MBOAT2: variants seen among roughly 807,000 people sequenced by gnomAD.
The protein encoded by MBOAT2 is membrane-bound glycerophospholipid O-acyltransferase 2.
Under a neutral mutation model 63.4 loss-of-function variants are expected in MBOAT2, and 28 were observed. That is an observed-to-expected ratio of 0.44 (90% confidence interval 0.33 to 0.61). MBOAT2 has a LOEUF of 0.61. Among genes scored for constraint, MBOAT2 ranks in the 20% least tolerant of loss-of-function variants. The probability of loss-of-function intolerance (pLI) is 0.03; values close to 1 mark genes in which losing one functional copy is unlikely to be tolerated. For missense variants in MBOAT2, 470 were observed against 605.8 expected, an observed-to-expected ratio of 0.78 and a Z score of 2.35; for synonymous variants, 211 against 215.6, an observed-to-expected ratio of 0.98 and a Z score of 0.19.
At chr2:8,924,753 CTCAG>C (rs959375442) in intron 3 of MBOAT2, among the ~76,000 whole-genome samples, 2 of 150,820 alleles carry the variant, frequency 1.3e-5, no homozygotes, top group Non-Finnish European at 2.9e-5. Flanking sequence ...CCACAACTGA[CTCAG>C]TAAGATAATG....
chr2:8,881,180 G>A (rs906556628), intron 6 of MBOAT2, among the ~76,000 whole-genome samples: 7 of 152,238 alleles, frequency 4.6e-5, no homozygotes, highest in Non-Finnish European at 7.3e-5. Flanking sequence ...TGGACAGCTA[G>A]TACTTGACAC....
At chr2:8,902,906 T>G (rs1030045706) in intron 4 of MBOAT2, among the ~76,000 whole-genome samples, 4 of 152,202 alleles carry the variant, frequency 2.6e-5, no homozygotes, top group African/African-American at 7.2e-5. Flanking sequence ...TTTTATTCCC[T>G]TATTTGGCTC....
intron 1 of MBOAT2, among the ~76,000 whole-genome samples, chr2:9,002,420 G>A (rs1672760163): frequency 6.6e-6 from 1 of 152,188 alleles, no homozygotes; most frequent in Non-Finnish European, 1.5e-5. Flanking sequence ...GGACAAGAAG[G>A]AATCCCGTAT....
chr2:8,975,698 C>A (rs974623791), intron 1 of MBOAT2, among the ~76,000 whole-genome samples: 1 of 150,344 alleles, frequency 6.7e-6, no homozygotes, highest in African/African-American at 2.5e-5. Context: ...TCTGTAAACA[C>A]TTCTTGTATA....
intron 1 of MBOAT2, among the ~76,000 whole-genome samples, chr2:9,002,328 C>A (rs999604111): frequency 6.6e-6 from 1 of 152,152 alleles, no homozygotes; most frequent in Non-Finnish European, 1.5e-5. Flanking sequence ...ATACTTAAGG[C>A]GATTTTATTT....
At chr2:8,971,213 T>C (rs1670425034) in intron 1 of MBOAT2, among the ~76,000 whole-genome samples, 1 of 152,176 alleles carries the variant, frequency 6.6e-6, no homozygotes, top group Non-Finnish European at 1.5e-5. Flanking sequence ...TGGTTTAACA[T>C]ATGCAAATCA....
chr2:8,970,888 C>T (rs557930406), intron 1 of MBOAT2, among the ~76,000 whole-genome samples: 1 of 152,194 alleles, frequency 6.6e-6, no homozygotes, highest in East Asian at 1.9e-4. Flanking sequence ...TAATGGCTTA[C>T]CAACCAAAAA....
intron 4 of MBOAT2, among the ~76,000 whole-genome samples, chr2:8,899,484 G>A (rs1230093885): frequency 6.6e-6 from 1 of 152,186 alleles, no homozygotes; most frequent in Non-Finnish European, 1.5e-5. Flanking sequence ...GGCCCTCAAT[G>A]GTTAAACCGT....
At chr2:8,976,961 A>G (rs1244142482) in intron 1 of MBOAT2, among the ~76,000 whole-genome samples, 7 of 152,172 alleles carry the variant, frequency 4.6e-5, no homozygotes, top group Non-Finnish European at 8.8e-5. Flanking sequence ...ATATGATTCT[A>G]TTTAGATGAA....
intron 4 of MBOAT2, among the ~76,000 whole-genome samples, chr2:8,892,718 C>T (rs1664093254): frequency 6.6e-6 from 1 of 152,086 alleles, no homozygotes; most frequent in Non-Finnish European, 1.5e-5. Flanking sequence ...CCGGCCTCAC[C>T]CAGAAGATGA....
chr2:8,957,748 T>G (rs983341129), intron 2 of MBOAT2, among the ~76,000 whole-genome samples: 8 of 152,192 alleles, frequency 5.3e-5, no homozygotes, highest in African/African-American at 1.9e-4. Flanking sequence ...GCAGCACAAG[T>G]GCTCACGTAA....
chr2:8,866,036 CAAATAAATAAATAAAT>C (rs375237404), intron 9 of MBOAT2, among the ~76,000 whole-genome samples: 2 of 151,700 alleles, frequency 1.3e-5, no homozygotes, highest in Non-Finnish European at 2.9e-5. Context: ...GACTTTGTCT[CAAATAAATAAATAAAT>C]AAATAAATAA....
intron 1 of MBOAT2, among the ~76,000 whole-genome samples, chr2:8,963,652 A>C (rs1173739948): frequency 6.6e-6 from 1 of 152,236 alleles, no homozygotes; most frequent in Non-Finnish European, 1.5e-5. Flanking sequence ...GAAAATAATT[A>C]TATAAATCTG....
chr2:8,985,053 G>T (rs1395420988), intron 1 of MBOAT2, among the ~76,000 whole-genome samples: 1 of 152,012 alleles, frequency 6.6e-6, no homozygotes, highest in Non-Finnish European at 1.5e-5. Context: ...AAAATGTAAG[G>T]CTCAAAATAT....
chr2:8,890,095 G>A (rs936281800), intron 4 of MBOAT2, among the ~76,000 whole-genome samples: 1 of 152,158 alleles, frequency 6.6e-6, no homozygotes, highest in African/African-American at 2.4e-5. Context: ...TAACAGAGCG[G>A]GAGGGAAGGC....
chr2:8,890,757 C>T (rs1663934762), intron 4 of MBOAT2, among the ~76,000 whole-genome samples: 2 of 152,004 alleles, frequency 1.3e-5, no homozygotes, highest in South Asian at 2.1e-4. Flanking sequence ...TGGGCTTAAG[C>T]GATCCACCCA....
At chr2:8,922,076 C>T (rs905755913) in intron 3 of MBOAT2, among the ~76,000 whole-genome samples, 1 of 152,082 alleles carries the variant, frequency 6.6e-6, no homozygotes, top group Admixed American at 6.6e-5. Context: ...ATTTTTTATA[C>T]CTTTTTTCTT....
chr2:9,000,434 C>T (rs1232639026), intron 1 of MBOAT2, among the ~76,000 whole-genome samples: 3 of 152,180 alleles, frequency 2.0e-5, no homozygotes, highest in African/African-American at 7.2e-5. Context: ...ACAGCTTCAT[C>T]AACAAGAAAG....
chr2:8,909,927 G>A (rs546189558), intron 3 of MBOAT2, among the ~76,000 whole-genome samples: 6 of 152,178 alleles, frequency 3.9e-5, no homozygotes, highest in African/African-American at 7.2e-5. Flanking sequence ...CCTGCTCCCC[G>A]TCAAGAGGAG....
Sources: gnomAD v4.1 joint callset for allele counts (sites outside exome capture counted in the v4.1 genomes callset) on GRCh38, gnomAD v4.1.1 for gene constraint, MANE v1.5 for transcripts, NCBI Gene and HGNC (gene_info 2026-07-23, HGNC 2026-07-21) for gene names.